Variants in GNA14 observed in about 807,000 individuals in gnomAD.
GNA14 encodes the protein G protein subunit alpha 14, also known as guanine nucleotide-binding protein subunit alpha-14.
GNA14 carries 50 observed loss-of-function variants against 42.0 expected under a neutral mutation model. The ratio of observed to expected loss-of-function variants is 1.19; its 90% CI spans 0.95 to 1.51. The LOEUF (loss-of-function observed/expected upper bound fraction) is 1.51. Ranked by LOEUF, GNA14 falls within the 40% of genes most tolerant of loss-of-function variation. The pLI, the probability that GNA14 is intolerant of heterozygous loss-of-function variation, is 0.00. For synonymous variants in GNA14, 173 were observed against 163.1 expected (o/e 1.06, Z -0.46); for missense variants, 473 against 446.2 (o/e 1.06, Z -0.54).
chr9:77,426,207 G>A (rs145460813), intron 5 of GNA14, among the ~76,000 whole-genome samples: 5 of 152,258 alleles, frequency 3.3e-5, no homozygotes, highest in Middle Eastern at 6.8e-3. Context: ...GAAGTTGGCA[G>A]AGACAGGACG....
chr9:77,446,514 T>C (rs1456868070), intron 2 of GNA14, among the ~76,000 whole-genome samples: 1 of 152,148 alleles, frequency 6.6e-6, no homozygotes, highest in Non-Finnish European at 1.5e-5. Context: ...GAGTTCTGAG[T>C]GAGGGAATTC....
intron 1 of GNA14, among the ~76,000 whole-genome samples, chr9:77,628,952 A>C (rs1402801020): frequency 6.6e-6 from 1 of 152,178 alleles, no homozygotes; most frequent in Non-Finnish European, 1.5e-5. Context: ...TGAACAGGCA[A>C]CCTACAGAAT....
rs932619134 is a variant in GNA14, at chr9:77,423,275, GTGCA to G, written c.*700_*703del. ...GGTAAAAATGTACACACACACACAC[GTGCA>G]CACACACACATTTTTCACCAATAAA... On this transcript the variant is annotated 3_prime_UTR_variant, in exon 7 of 7. Coordinates refer to ENST00000341700, the MANE Select transcript of GNA14 (RefSeq NM_004297.4). The G allele has an allele frequency of 5.0e-3, 749 of 150,790 alleles. 7 individuals are homozygous for G. The highest frequency in any genetic ancestry group is 0.017 in the African/African-American group (706 of 41,160). The allele number at this position is 150,790 out of a possible 1,614,324, so 9.3% of individuals were successfully genotyped here. A position where few individuals can be genotyped will look rare whatever the true frequency, so the allele number is the denominator to read the frequency against.
intron 1 of GNA14, among the ~76,000 whole-genome samples, chr9:77,578,947 T>C (rs1823172414): frequency 6.6e-6 from 1 of 152,144 alleles, no homozygotes; most frequent in Non-Finnish European, 1.5e-5. Flanking sequence ...GCCTAACCAA[T>C]GCTGTGGCCC....
At chr9:77,468,740 T>C (rs1836278247) in intron 2 of GNA14, among the ~76,000 whole-genome samples, 1 of 152,202 alleles carries the variant, frequency 6.6e-6, no homozygotes, top group Admixed American at 6.5e-5. Flanking sequence ...CCTGGAGCCT[T>C]GTGACGATCA....
intron 6 of GNA14, among the ~76,000 whole-genome samples, chr9:77,424,743 T>A (rs529876821): frequency 6.6e-6 from 1 of 152,172 alleles, no homozygotes; most frequent in Non-Finnish European, 1.5e-5. Context: ...TGGACCACTA[T>A]TGAAGAGAAG....
At chr9:77,586,351 A>T (rs1823302223) in intron 1 of GNA14, among the ~76,000 whole-genome samples, 1 of 152,232 alleles carries the variant, frequency 6.6e-6, no homozygotes, top group African/African-American at 2.4e-5. Context: ...AAAAAATGGA[A>T]ATTTCCTCAA....
At chr9:77,521,963 G>A (rs1325928368) in intron 2 of GNA14, among the ~76,000 whole-genome samples, 3 of 152,142 alleles carry the variant, frequency 2.0e-5, no homozygotes, top group African/African-American at 7.2e-5. Flanking sequence ...CTCCAGAGTA[G>A]CTGGGACTAC....
chr9:77,629,022 G>C (rs1824055690), intron 1 of GNA14, among the ~76,000 whole-genome samples: 1 of 151,694 alleles, frequency 6.6e-6, no homozygotes, highest in South Asian at 2.1e-4. Context: ...AATCTACAAG[G>C]AATTTAAACG....
At chr9:77,536,759 T>C (rs957882271) in intron 1 of GNA14, among the ~76,000 whole-genome samples, 3 of 152,240 alleles carry the variant, frequency 2.0e-5, no homozygotes, top group Admixed American at 6.5e-5. Flanking sequence ...GGGTCTCATT[T>C]TGATAAAGAA....
chr9:77,438,917 C>T (rs538201463), intron 2 of GNA14, among the ~76,000 whole-genome samples: 20 of 152,314 alleles, frequency 1.3e-4, no homozygotes, highest in Admixed American at 1.1e-3. Flanking sequence ...TAGGCGTGGA[C>T]ACAACATTAT....
intron 1 of GNA14, among the ~76,000 whole-genome samples, chr9:77,640,100 C>T (rs1824235010): frequency 1.3e-5 from 2 of 152,204 alleles, no homozygotes; most frequent in African/African-American, 4.8e-5. Context: ...GATGCCACAA[C>T]CTGGCTATAA....
chr9:77,446,984 G>A (rs2131700831), intron 2 of GNA14, among the ~76,000 whole-genome samples: 1 of 148,496 alleles, frequency 6.7e-6, no homozygotes, highest in East Asian at 2.0e-4. Flanking sequence ...TTTTTTTTGA[G>A]ACGGAGTTTC....
chr9:77,580,590 C>G, intron 1 of GNA14: 1 of 499,848 alleles, frequency 2.0e-6, no homozygotes, highest in South Asian at 1.9e-5. Context: ...GGGTTTGCAC[C>G]AATGACATGT....
Position 77,519,394 on chromosome 9 carries a change from C to G in GNA14, c.309+9675G>C, listed in dbSNP as rs564585342. On this transcript the variant is annotated intron_variant, in intron 2 of 6. Transcript: ENST00000341700. ...CCACTACACTCCAGCCTGGGTGACA[C>G]GGCGAGACTCTGCCTCAAAAGAAGA... 7.2e-3 allele frequency among the ~76,000 whole-genome samples: 1,097 copies of G among 151,918 alleles called. 10 individuals carry two copies. Among genetic ancestry groups the G allele is most frequent in the African/African-American group, 0.025 (1,035 of 41,434 alleles).
chr9:77,466,813 G>C (rs1554689787), intron 2 of GNA14, among the ~76,000 whole-genome samples: 1 of 152,078 alleles, frequency 6.6e-6, no homozygotes, highest in Admixed American at 6.5e-5. Flanking sequence ...TTCGTTTAGG[G>C]ACTCTGTGTG....
chr9:77,493,022 A>T (rs376310357), intron 2 of GNA14, among the ~76,000 whole-genome samples: 14,702 of 68,946 alleles, frequency 0.21, 864 homozygotes, highest in East Asian at 0.42. Context: ...AAAAAAAAAA[A>T]AAAAATATAT....
At chr9:77,484,673 ACACCCAAAAC>A in intron 2 of GNA14, among the ~76,000 whole-genome samples, 1 of 152,220 alleles carries the variant, frequency 6.6e-6, no homozygotes, top group South Asian at 2.1e-4. Context: ...CCTTCAGTGG[ACACCCAAAAC>A]CATGGATAGT....
At chr9:77,598,620 T>C (rs1341338275) in intron 1 of GNA14, among the ~76,000 whole-genome samples, 1 of 152,148 alleles carries the variant, frequency 6.6e-6, no homozygotes, top group Non-Finnish European at 1.5e-5. Context: ...TTTACTGGCA[T>C]ATATGTGGAG....
Sources: allele counts gnomAD v4.1 joint callset (sites outside exome capture counted in the v4.1 genomes callset), GRCh38; gene constraint gnomAD v4.1.1; transcripts MANE v1.5; gene names NCBI Gene and HGNC (gene_info 2026-07-23, HGNC 2026-07-21).